BCAS3: variants seen among roughly 807,000 people sequenced by gnomAD.
BCAS3 encodes the protein BCAS3 microtubule associated cell migration factor, also known as BCAS4/BCAS3 fusion.
BCAS3 carries 53 observed loss-of-function variants against 116.1 expected under a neutral mutation model. The ratio of observed to expected loss-of-function variants is 0.46; its 90% CI spans 0.37 to 0.57. BCAS3 has a LOEUF of 0.57. Ranked by LOEUF, BCAS3 falls within the 20% of genes least tolerant of loss-of-function variation. The pLI, the probability that BCAS3 is intolerant of heterozygous loss-of-function variation, is 0.00. For synonymous variants in BCAS3, 391 were observed against 408.2 expected (o/e 0.96, Z 0.51); for missense variants, 917 against 1,165.4 (o/e 0.79, Z 3.10).
chr17:61,032,344 A>G lies in BCAS3; in HGVS notation c.1638-2322A>G, dbSNP rs1296538942. Among the ~76,000 whole-genome samples, 1 of 152,150 alleles carries G rather than the reference A, an allele frequency of 6.6e-6. No individual in the cohort carries two copies. The highest frequency in any genetic ancestry group is 1.9e-4 in the East Asian group (1 of 5,196). On this transcript the variant is annotated intron_variant, in intron 16 of 23. Transcript: ENST00000407086. The surrounding 1 kb of genome is among the most constrained non-coding windows in gnomAD (Gnocchi z 4.6). The stretch of plus-strand genomic sequence containing the variant: ...CTCTGATGGTGATTCTAGTAAAAGC[A>G]CATAGTCGCACAATTGCAAACTGCT...
intron 22 of BCAS3, among the ~76,000 whole-genome samples, chr17:61,197,084 C>T (rs2080525769): frequency 1.3e-5 from 2 of 152,156 alleles, no homozygotes; most frequent in African/African-American, 4.8e-5. Context: ...TACCGTTTTC[C>T]TGGGTTCACC....
intron 20 of BCAS3, among the ~76,000 whole-genome samples, chr17:61,075,767 T>A (rs571052865): frequency 1.3e-5 from 2 of 152,326 alleles, no homozygotes; most frequent in South Asian, 4.1e-4. Context: ...ATACTTTCAT[T>A]ATTGGAAATA....
chr17:60,882,781 G>C (rs1599404861), intron 9 of BCAS3, among the ~76,000 whole-genome samples: 4 of 147,184 alleles, frequency 2.7e-5, no homozygotes, highest in South Asian at 4.2e-4. Context: ...TGAGGGCTCT[G>C]TTCTGTTCCA....
chr17:61,236,120 T>C (rs928707287), intron 22 of BCAS3, among the ~76,000 whole-genome samples: 1 of 152,122 alleles, frequency 6.6e-6, no homozygotes, highest in Non-Finnish European at 1.5e-5. Flanking sequence ...CAGGACTCAG[T>C]TTAACTCCTT....
rs763392590 is a variant in BCAS3, at chr17:61,082,995, C to G, written c.2328-1472C>G. Among the ~76,000 whole-genome samples, 2 of 152,188 alleles carry G rather than the reference C, an allele frequency of 1.3e-5. No individual in the cohort carries two copies. The highest frequency in any genetic ancestry group is 6.5e-5 in the Admixed American group (1 of 15,270). On this transcript the variant is annotated intron_variant, in intron 21 of 23. Coordinates refer to ENST00000407086, the MANE Select transcript of BCAS3 (RefSeq NM_017679.5). This position sits in a 1 kb window ranked among gnomAD's most constrained non-coding sequence, Gnocchi z 5.1. ...TCATCTGTCCCATGTTTCTTATCAA[C>G]TTTTTATCTTCCATCAATAGCCTTT...
intron 4 of BCAS3, among the ~76,000 whole-genome samples, chr17:60,707,931 A>G (rs765539897): frequency 6.6e-6 from 1 of 152,120 alleles, no homozygotes; most frequent in African/African-American, 2.4e-5. Context: ...ATATACATTC[A>G]TGAGGTGGAT....
chr17:60,974,795 T>C (rs112348561), intron 14 of BCAS3, among the ~76,000 whole-genome samples: 5 of 152,154 alleles, frequency 3.3e-5, no homozygotes, highest in African/African-American at 1.2e-4. Context: ...ACTCTGACAT[T>C]TGTATACTTA....
chr17:61,277,526 C>T (rs2039902451), intron 22 of BCAS3, among the ~76,000 whole-genome samples: 1 of 152,034 alleles, frequency 6.6e-6, no homozygotes, highest in African/African-American at 2.4e-5. Context: ...AACATTCAGG[C>T]TTCTAAGAAC....
chr17:61,201,961 T>A (rs1016467779), intron 22 of BCAS3, among the ~76,000 whole-genome samples: 5 of 151,496 alleles, frequency 3.3e-5, no homozygotes, highest in Non-Finnish European at 7.4e-5. Flanking sequence ...GGTTTCACCA[T>A]GTTGATGAAG....
chr17:60,785,091 T>A (rs2046172195), intron 6 of BCAS3, among the ~76,000 whole-genome samples: 1 of 152,056 alleles, frequency 6.6e-6, no homozygotes, highest in Non-Finnish European at 1.5e-5. Context: ...AGAGCGAGAC[T>A]CCGTCTCAAA....
At chr17:61,168,490 C>T (rs1292757795) in intron 22 of BCAS3, among the ~76,000 whole-genome samples, 2 of 152,146 alleles carry the variant, frequency 1.3e-5, no homozygotes, top group Non-Finnish European at 2.9e-5. Flanking sequence ...ATAATTTTCT[C>T]ACCTTTTCAA....
At chr17:60,921,245 A>G (rs2059066768) in intron 12 of BCAS3, among the ~76,000 whole-genome samples, 1 of 152,208 alleles carries the variant, frequency 6.6e-6, no homozygotes, top group Non-Finnish European at 1.5e-5. Context: ...GAATGAAATC[A>G]TGTCATTTAC....
At chr17:60,728,634 C>T (rs1444351018) in intron 5 of BCAS3, among the ~76,000 whole-genome samples, 3 of 152,100 alleles carry the variant, frequency 2.0e-5, no homozygotes, top group South Asian at 2.1e-4. Flanking sequence ...TGCCCGCCGC[C>T]ATGCCCAGCT....
At chr17:61,159,244 A>G (rs2078029063) in intron 22 of BCAS3, 1 of 152,212 alleles carries the variant, frequency 6.6e-6, no homozygotes, top group Non-Finnish European at 1.5e-5. Context: ...TATACCCAGT[A>G]TCAGCTTTGA....
Position 60,902,709 on chromosome 17 carries a change from T to A in BCAS3, c.822+6T>A. ...CAGTCATTAGTGCTGCTAAAGTGAG[T>A]ACCTCCGAAATCTTGGAGAGTTGTG... On this transcript the variant is annotated splice_donor_region_variant and intron_variant, in intron 11 of 23. Transcript: ENST00000407086. 6.3e-7 allele frequency: 1 copy of A among 1,591,006 alleles called. No individual in the cohort carries two copies. Among genetic ancestry groups the A allele is most frequent in the Non-Finnish European group, 8.6e-7 (1 of 1,159,080 alleles).
intron 20 of BCAS3, among the ~76,000 whole-genome samples, chr17:61,075,648 A>C (rs2071905674): frequency 1.3e-5 from 2 of 152,054 alleles, no homozygotes; most frequent in African/African-American, 4.8e-5. Context: ...TCTTTGGAAC[A>C]CATTTTCATC....
In BCAS3 at chr17:60,884,706, G is replaced by A. The variant is rs1202662557; in HGVS notation, c.662-4989G>A. 3.6e-3 allele frequency among the ~76,000 whole-genome samples: 523 copies of A among 145,328 alleles called. 3 individuals carry two copies. The highest frequency in any genetic ancestry group is 0.013 in the African/African-American group (495 of 37,996). ...CTGCCTTCATTTCGTTATGTACCCA[G>A]TAGTCATTCAGGAGTAGGTTGTTCA... On this transcript the variant is annotated intron_variant, in intron 9 of 23. Transcript: ENST00000407086.
chr17:60,747,266 T>C lies in BCAS3; in HGVS notation c.390T>C (p.Pro130=). The C allele has an allele frequency of 6.2e-7, 1 of 1,612,856 alleles. No individual in the cohort carries two copies. Residue 130 remains proline, a synonymous_variant, in exon 6 of 24, where the codon CCT becomes CCC. Transcript: ENST00000407086. ...CAATTCGAGCGGCTAGAATCTTGCC[T>C]GCTCCACAGTTTGGTGAGTGTAGTC... ...HGPIRAARIL[P]APQFGAQKCD... is the part of the protein sequence containing the mutation.
rs1421382404 is a variant in BCAS3 at position 61,278,517 on chromosome 17, A to G, written c.2426-89810A>G. 6.6e-6 allele frequency among the ~76,000 whole-genome samples: 1 copy of G among 152,182 alleles called. No individual in the cohort carries two copies. Among genetic ancestry groups the G allele is most frequent in the Non-Finnish European group, 1.5e-5 (1 of 68,028 alleles). On this transcript the variant is annotated intron_variant, in intron 22 of 23. Coordinates refer to ENST00000407086, the MANE Select transcript of BCAS3 (RefSeq NM_017679.5). This position sits in a 1 kb window ranked among gnomAD's most constrained non-coding sequence, Gnocchi z 5.8. ...GGACCTACCCAAAGGAATTGAATGC[A>G]GGAACAGGAACAGATGCTTCTGCGT... is the stretch of plus-strand genomic sequence containing the variant.
Sources: gnomAD v4.1 joint callset for allele counts (sites outside exome capture counted in the v4.1 genomes callset) on GRCh38, gnomAD v4.1.1 for gene constraint, Gnocchi (gnomAD v3.1) non-coding constraint, MANE v1.5 for transcripts, NCBI Gene and HGNC (gene_info 2026-07-23, HGNC 2026-07-21) for gene names.